The following HAS3 variants were observed in gnomAD, a reference collection of about 807,000 sequenced individuals.
The protein encoded by HAS3 is HA synthase 3.
In HAS3, 27 loss-of-function variants were observed where a neutral mutation model predicts 50.3. The ratio of observed to expected loss-of-function variants is 0.54; its 90% CI spans 0.40 to 0.74. The LOEUF (loss-of-function observed/expected upper bound fraction) is 0.74. HAS3 is among the 30% of genes least tolerant of loss of function. The pLI, the probability that HAS3 is intolerant of heterozygous loss-of-function variation, is 0.00. For synonymous variants in HAS3, 339 were observed against 310.9 expected (o/e 1.09, Z -0.95); for missense variants, 517 against 742.8 (o/e 0.70, Z 3.53).
In HAS3 at chr16:69,117,565, A is replaced by C; in HGVS notation, c.*2299A>C. ...TCTACAATAATTTGTAAACATATTT[A>C]TTTTTACCTGCTTTTTTTTTTTTTT... On this transcript the variant is annotated 3_prime_UTR_variant, in exon 4 of 4. Coordinates refer to ENST00000569188, the MANE Select transcript of HAS3 (RefSeq NM_001199280.2). The C allele has an allele frequency of 1.2e-6, 1 of 845,740 alleles. No individual in the cohort carries two copies. Among genetic ancestry groups the C allele is most frequent in the Non-Finnish European group, 1.4e-6 (1 of 715,496 alleles). 52.4% of individuals were successfully genotyped at this position (845,740 alleles called of 1,614,324 possible). A position where few individuals can be genotyped will look rare whatever the true frequency, so the allele number is the denominator to read the frequency against.
the HAS3 span, chr16:69,083,563 C>T: frequency 1.9e-6 from 3 of 1,610,094 alleles, no homozygotes; most frequent in Non-Finnish European, 1.7e-6. Flanking sequence ...CGTGGCCAAG[C>T]TCCATGCCCA....
chr16:69,092,566 A>C, the HAS3 span, among the ~76,000 whole-genome samples: 1 of 145,836 alleles, frequency 6.9e-6, no homozygotes, highest in Non-Finnish European at 1.5e-5. Context: ...GTGCCACTGC[A>C]CTCCAGCCTG....
downstream of HAS3, chr16:69,118,329 G>A (rs1961320769): frequency 7.3e-7 from 1 of 1,378,962 alleles, no homozygotes; most frequent in African/African-American, 1.4e-5. Flanking sequence ...TGAAGTGGTT[G>A]TCCATCTCCC....
chr16:69,083,896 A>C, the HAS3 span: 5 of 408,148 alleles, frequency 1.2e-5, no homozygotes, highest in Non-Finnish European at 8.8e-6. Flanking sequence ...TACAGATCTC[A>C]TTAATCTACA....
downstream of HAS3, chr16:69,118,478 G>T (rs376376214): frequency 8.3e-6 from 12 of 1,450,582 alleles, no homozygotes; most frequent in South Asian, 1.3e-4. Flanking sequence ...TTCTCCAATG[G>T]TGAGCAGGGG....
the HAS3 span, among the ~76,000 whole-genome samples, chr16:69,094,898 T>G: frequency 6.6e-6 from 1 of 152,016 alleles, no homozygotes; most frequent in Non-Finnish European, 1.5e-5. Context: ...CGGCTCTCCT[T>G]CCTAATTTCC....
upstream of HAS3, among the ~76,000 whole-genome samples, chr16:69,101,737 C>T (rs996787287): frequency 6.6e-6 from 1 of 152,026 alleles, no homozygotes; most frequent in Admixed American, 6.6e-5. Flanking sequence ...ATGTTGGATT[C>T]TCTCATCAAT....
At chr16:69,118,207 G>C (rs1961307650), downstream of HAS3, 2 of 543,054 alleles carry the variant, frequency 3.7e-6, no homozygotes, top group South Asian at 1.9e-5. Flanking sequence ...TACCAGTGAA[G>C]AGGGAGTTGG....
upstream of HAS3, among the ~76,000 whole-genome samples, chr16:69,102,088 C>T (rs1481709807): frequency 6.6e-6 from 1 of 152,176 alleles, no homozygotes; most frequent in Non-Finnish European, 1.5e-5. Flanking sequence ...CCGGCCTATA[C>T]TTGTACTCTC....
Position 69,114,710 on chromosome 16 carries a change from C to T in HAS3, c.1106C>T (p.Ser369Phe). 1 of 1,614,152 alleles carries T rather than the reference C, an allele frequency of 6.2e-7. No individual in the cohort carries two copies. The change falls in exon 4 of 4, where the codon TCT (serine) becomes TTT (phenylalanine). Residue 369 changes from serine (S) to phenylalanine (F), a missense_variant. Transcript: ENST00000569188. This position sits in a 1 kb window ranked among gnomAD's most constrained non-coding sequence, Gnocchi z 6.4. ...TACTTCCGGGAGTGGCTCTACAACT[C>T]TCTGTGGTTCCATAAGCACCACCTC... ...KSYFREWLYN[S>F]LWFHKHHLWM...
At chr16:69,105,590 G>C (rs910236376), upstream of HAS3, 2 of 152,236 alleles carry the variant, frequency 1.3e-5, no homozygotes, top group African/African-American at 4.8e-5. Flanking sequence ...CCCCACTGCG[G>C]AATTCAAAGC....
the HAS3 span, among the ~76,000 whole-genome samples, chr16:69,087,531 T>C: frequency 6.6e-6 from 1 of 151,932 alleles, no homozygotes; most frequent in Non-Finnish European, 1.5e-5. Flanking sequence ...AATCTCCTCT[T>C]CCACGTCCCT....
chr16:69,111,156 G>GAT (rs1960987694), intron 2 of HAS3, among the ~76,000 whole-genome samples: 1 of 80,192 alleles, frequency 1.2e-5, no homozygotes. Flanking sequence ...TCTAGGCCAG[G>GAT]ATTTTTTTTT....
At chr16:69,118,068 C>G (rs1245749410), downstream of HAS3, 1 of 487,444 alleles carries the variant, frequency 2.1e-6, no homozygotes, top group African/African-American at 1.9e-5. Context: ...AGGAAAACCA[C>G]CAACCATCCT....
Position 69,116,583 on chromosome 16 carries a change from C to T in HAS3, c.*1317C>T, listed in dbSNP as rs1567583337. On this transcript the variant is annotated 3_prime_UTR_variant, in exon 4 of 4. Transcript: ENST00000569188. Reference sequence around the variant, plus strand: ...ATTCTTACAGCCAAGTTGTGACAGTCACTGCATTTGCCTGCTTCTTTCCAG... The same window carrying T: ...ATTCTTACAGCCAAGTTGTGACAGTTACTGCATTTGCCTGCTTCTTTCCAG... The T allele has an allele frequency of 1.0e-6, 1 of 985,686 alleles. No homozygotes were observed. The highest frequency in any genetic ancestry group is 1.2e-6 in the Non-Finnish European group (1 of 829,904). The allele number at this position is 985,686 out of a possible 1,614,324, so 61.1% of individuals were successfully genotyped here.
At chr16:69,117,929 C>A (rs1193620643), downstream of HAS3, 1 of 208,990 alleles carries the variant, frequency 4.8e-6, no homozygotes, top group African/African-American at 2.3e-5. Context: ...TGATGTAAGA[C>A]TGTAGCCAAG....
In HAS3 at chr16:69,115,318, G is replaced by A; in HGVS notation, c.*52G>A. 4 of 1,469,362 alleles carry A rather than the reference G, an allele frequency of 2.7e-6. No individual in the cohort carries two copies. The highest frequency in any genetic ancestry group is 3.6e-6 in the Non-Finnish European group (4 of 1,112,656). The allele number at this position is 1,469,362 out of a possible 1,614,324, so 91.0% of individuals were successfully genotyped here. A position where few individuals can be genotyped will look rare whatever the true frequency, so the allele number is the denominator to read the frequency against. On this transcript the variant is annotated 3_prime_UTR_variant, in exon 4 of 4. Coordinates refer to ENST00000569188, the MANE Select transcript of HAS3 (RefSeq NM_001199280.2). ...GTGCAATGGGTAAGGGAGGGAAGGGGAATGGAAGAGAAAAGACAGGGTGGG... is the reference window on the plus strand; with the variant it reads ...GTGCAATGGGTAAGGGAGGGAAGGGAAATGGAAGAGAAAAGACAGGGTGGG...
chr16:69,096,906 T>C, the HAS3 span, among the ~76,000 whole-genome samples: 7 of 152,060 alleles, frequency 4.6e-5, no homozygotes, highest in African/African-American at 9.6e-5. Context: ...TGTGAGCCAC[T>C]GCGCCCAGCC....
At chr16:69,084,770 A>G in the HAS3 span, 1 of 152,342 alleles carries the variant, frequency 6.6e-6, no homozygotes, top group Non-Finnish European at 1.5e-5. Context: ...ACAGGATTTT[A>G]TCACGCTCTC....
Sources: allele counts gnomAD v4.1 joint callset (sites outside exome capture counted in the v4.1 genomes callset), GRCh38; gene constraint gnomAD v4.1.1; non-coding constraint Gnocchi (gnomAD v3.1); transcripts MANE v1.5; gene names NCBI Gene and HGNC (gene_info 2026-07-23, HGNC 2026-07-21).